Variants in KCNQ1OT1 observed in about 807,000 individuals in gnomAD.
KCNQ1OT1 encodes KCNQ1 antisense RNA 2 (non-protein coding).
In KCNQ1OT1 at chr11:2,617,089, G is replaced by A. The variant is rs972709146; in HGVS notation, n.82906C>T. 22 of 398,076 alleles carry A rather than the reference G, an allele frequency of 5.5e-5. No homozygotes were observed. Among genetic ancestry groups the A allele is most frequent in the Non-Finnish European group, 9.3e-5 (21 of 225,864 alleles). 24.7% of individuals were successfully genotyped at this position (398,076 alleles called of 1,614,324 possible). A position where few individuals can be genotyped will look rare whatever the true frequency, so the allele number is the denominator to read the frequency against. On this transcript the variant is annotated non_coding_transcript_exon_variant, in exon 1 of 1. Transcript: ENST00000597346. This position sits in a 1 kb window ranked among gnomAD's most constrained non-coding sequence, Gnocchi z 4.6. ...GTTATTCTTTTGTGTGTATGAGTGA[G>A]AAAAGCTATGATCTACTCAATTGGC... is the stretch of plus-strand genomic sequence containing the variant.
rs1406594231 is a variant in KCNQ1OT1, at chr11:2,687,536, CT to C, written n.12458del. The C allele has an allele frequency of 2.5e-6, 1 of 398,628 alleles. No individual in the cohort carries two copies. The highest frequency in any genetic ancestry group is 4.4e-6 in the Non-Finnish European group (1 of 226,174). 24.7% of individuals were successfully genotyped at this position (398,628 alleles called of 1,614,324 possible). ...CAGCCTCCTCTGTATGGTCCCTTCC[CT>C]GGTGCACCTACCACAGCCCACTCTG... On this transcript the variant is annotated non_coding_transcript_exon_variant, in exon 1 of 1. Transcript: ENST00000597346. The surrounding 1 kb of genome is among the most constrained non-coding windows in gnomAD (Gnocchi z 5.0).
exon 1 of KCNQ1OT1, chr11:2,692,610 C>G (rs1424991519): frequency 2.5e-6 from 1 of 398,650 alleles, no homozygotes; most frequent in African/African-American, 2.1e-5. Flanking sequence ...TGGGTTCCTG[C>G]TATACACCTG....
exon 1 of KCNQ1OT1, chr11:2,640,867 A>G: frequency 2.5e-6 from 1 of 399,302 alleles, no homozygotes. Flanking sequence ...CTATCCTTCT[A>G]CTCTCTACCT....
At chr11:2,662,703 C>T (rs1849987196) in exon 1 of KCNQ1OT1, 2 of 402,162 alleles carry the variant, frequency 5.0e-6, no homozygotes, top group East Asian at 3.5e-5. Context: ...AGCCGTGCAG[C>T]GGGGTCAGTG....
At position 2,653,367 on chromosome 11, in the gene KCNQ1OT1, T is replaced by G. The variant is rs988986395; in HGVS notation, n.46628A>C. On this transcript the variant is annotated non_coding_transcript_exon_variant, in exon 1 of 1. Transcript: ENST00000597346. This position sits in a 1 kb window ranked among gnomAD's most constrained non-coding sequence, Gnocchi z 5.3. ...GGCTCACACCTCACCCCCAACTTTG[T>G]CATGCACATTCCTGAAGACTCTCTT... 1 of 398,754 alleles carries G rather than the reference T, an allele frequency of 2.5e-6. No homozygotes were observed. 24.7% of individuals were successfully genotyped at this position (398,754 alleles called of 1,614,324 possible).
rs963168641 is a variant in KCNQ1OT1 at position 2,658,913 on chromosome 11, A to C, written n.41082T>G. 2.5e-6 allele frequency: 1 copy of C among 398,536 alleles called. No homozygotes were observed. The allele number at this position is 398,536 out of a possible 1,614,324, so 24.7% of individuals were successfully genotyped here. ...TATTGTACACGTAGTACCCTATGTG[A>C]AGCAAATTTACCTACTAGATTAGAG... is the stretch of plus-strand genomic sequence containing the variant. On this transcript the variant is annotated non_coding_transcript_exon_variant, in exon 1 of 1. Coordinates refer to ENST00000597346, the Ensembl canonical transcript of KCNQ1OT1. This position sits in a 1 kb window ranked among gnomAD's most constrained non-coding sequence, Gnocchi z 4.9.
At chr11:2,666,182 C>A in exon 1 of KCNQ1OT1, 1 of 398,622 alleles carries the variant, frequency 2.5e-6, no homozygotes, top group Non-Finnish European at 4.4e-6. Context: ...TTAACAGATA[C>A]CGCCCTCAGT....
exon 1 of KCNQ1OT1, chr11:2,650,895 C>T (rs1048714296): frequency 5.0e-6 from 2 of 398,510 alleles, no homozygotes; most frequent in Non-Finnish European, 8.8e-6. Flanking sequence ...GAGCAGCATG[C>T]TATTTTTCTC....
Position 2,642,237 on chromosome 11 carries a change from T to C in KCNQ1OT1, n.57758A>G. 1 of 398,440 alleles carries C rather than the reference T, an allele frequency of 2.5e-6. No homozygotes were observed. The highest frequency in any genetic ancestry group is 4.4e-6 in the Non-Finnish European group (1 of 225,962). 24.7% of individuals were successfully genotyped at this position (398,440 alleles called of 1,614,324 possible). ...ATGGTCATTTTAATTTTGTTAATTC[T>C]CCCAATCCATGAGAATGGGATGTTT... is the stretch of plus-strand genomic sequence containing the variant. On this transcript the variant is annotated non_coding_transcript_exon_variant, in exon 1 of 1. Coordinates refer to ENST00000597346, the Ensembl canonical transcript of KCNQ1OT1. The surrounding 1 kb of genome is among the most constrained non-coding windows in gnomAD (Gnocchi z 4.3).
Position 2,699,707 on chromosome 11 carries a change from GGCGCCGAGGAGTCCCCGGGGAGAACT to G in KCNQ1OT1, n.262_287del, listed in dbSNP as rs1409790286. 322 of 216,072 alleles carry G rather than the reference GGCGCCGAGGAGTCCCCGGGGAGAACT, an allele frequency of 1.5e-3. No individual in the cohort carries two copies. Among genetic ancestry groups the G allele is most frequent in the Non-Finnish European group, 1.4e-3 (191 of 137,272 alleles). 13.4% of individuals were successfully genotyped at this position (216,072 alleles called of 1,614,324 possible). On this transcript the variant is annotated non_coding_transcript_exon_variant, in exon 1 of 1. Coordinates refer to ENST00000597346, the Ensembl canonical transcript of KCNQ1OT1. ...AAGCCCCGGGTGCCCCGAGGAGAACGGCGCCGAGGAGTCCCCGGGGAGAACTGCGCCGAGGAGCCCCCAGAAGAGCG... is the reference window on the plus strand; with the variant it reads ...AAGCCCCGGGTGCCCCGAGGAGAACGGCGCCGAGGAGCCCCCAGAAGAGCG...
At chr11:2,680,227 AGTT>A (rs925068337) in exon 1 of KCNQ1OT1, 1 of 382,452 alleles carries the variant, frequency 2.6e-6, no homozygotes, top group Non-Finnish European at 4.5e-6. Flanking sequence ...AAAAAAAAAA[AGTT>A]GTCTATCTGT....
At chr11:2,699,814 CGAT>C in exon 1 of KCNQ1OT1, 1 of 397,222 alleles carries the variant, frequency 2.5e-6, no homozygotes, top group South Asian at 1.3e-4. Flanking sequence ...GGGAGAACCA[CGAT>C]GACTGACGCA....
exon 1 of KCNQ1OT1, chr11:2,641,162 C>A (rs1849570652): frequency 1.0e-5 from 4 of 398,334 alleles, no homozygotes; most frequent in Non-Finnish European, 1.3e-5. Context: ...ATACTGATAT[C>A]TTTTCCTTTA....
chr11:2,679,697 A>T lies in KCNQ1OT1; in HGVS notation n.20298T>A, dbSNP rs1850355405. 2.5e-6 allele frequency: 1 copy of T among 398,538 alleles called. No individual in the cohort carries two copies. Among genetic ancestry groups the T allele is most frequent in the South Asian group, 1.3e-4 (1 of 7,850 alleles). 24.7% of individuals were successfully genotyped at this position (398,538 alleles called of 1,614,324 possible). ...TAGGATCCCAGATTAGATTTTTTTT[A>T]AATCAGCCGTTCTCTGTATTCTTGT... On this transcript the variant is annotated non_coding_transcript_exon_variant, in exon 1 of 1. Coordinates refer to ENST00000597346, the Ensembl canonical transcript of KCNQ1OT1. This position sits in a 1 kb window ranked among gnomAD's most constrained non-coding sequence, Gnocchi z 4.8.
At chr11:2,643,233 G>A (rs1017439010) in exon 1 of KCNQ1OT1, 2 of 398,092 alleles carry the variant, frequency 5.0e-6, no homozygotes, top group African/African-American at 4.1e-5. Flanking sequence ...TTGTCTAGAT[G>A]ATCTGTCTAA....
At chr11:2,694,563 G>A in exon 1 of KCNQ1OT1, 1 of 398,630 alleles carries the variant, frequency 2.5e-6, no homozygotes, top group East Asian at 3.6e-5. Flanking sequence ...TTCTCACTGA[G>A]TTGTGAAAAT....
chr11:2,635,527 T>C (rs1849449405), exon 1 of KCNQ1OT1: 1 of 152,240 alleles, frequency 6.6e-6, no homozygotes, highest in Admixed American at 6.5e-5. Context: ...CTCTGTTCTG[T>C]TCCATTGGTC....
chr11:2,672,196 T>A, exon 1 of KCNQ1OT1: 1 of 398,654 alleles, frequency 2.5e-6, no homozygotes, highest in Non-Finnish European at 4.4e-6. Context: ...ATGTCCTGAT[T>A]TGTTAAGTTA....
In KCNQ1OT1 at chr11:2,654,135, G is replaced by A. The variant is rs1849800029; in HGVS notation, n.45860C>T. Reference sequence around the variant, plus strand: ...ACACAGGTGGTGGCGGGGCCACTCTGGCTCAGGGTCTATGAGCCGGGCATG... The same window carrying A: ...ACACAGGTGGTGGCGGGGCCACTCTAGCTCAGGGTCTATGAGCCGGGCATG... On this transcript the variant is annotated non_coding_transcript_exon_variant, in exon 1 of 1. Transcript: ENST00000597346. The surrounding 1 kb of genome is among the most constrained non-coding windows in gnomAD (Gnocchi z 6.4). 1 of 398,392 alleles carries A rather than the reference G, an allele frequency of 2.5e-6. No individual in the cohort carries two copies. Among genetic ancestry groups the A allele is most frequent in the Admixed American group, 4.4e-5 (1 of 22,720 alleles). 24.7% of individuals were successfully genotyped at this position (398,392 alleles called of 1,614,324 possible).
Sources: gnomAD v4.1 joint callset for allele counts on GRCh38, gnomAD v4.1.1 for gene constraint, Gnocchi (gnomAD v3.1) non-coding constraint, MANE v1.5 for transcripts, NCBI Gene and HGNC (gene_info 2026-07-23, HGNC 2026-07-21) for gene names.